Variants in CACNA1B observed in about 807,000 individuals in gnomAD.
The protein encoded by CACNA1B is calcium voltage-gated channel subunit alpha1 B, also known as voltage-dependent N-type calcium channel subunit alpha-1B.
Under a neutral mutation model 247.2 loss-of-function variants are expected in CACNA1B, and 70 were observed. The observed-to-expected ratio is 0.28, with a 90% CI of 0.23 to 0.35. The LOEUF (loss-of-function observed/expected upper bound fraction) is 0.35. Ranked by LOEUF, CACNA1B falls within the 10% of genes least tolerant of loss-of-function variation. The probability of loss-of-function intolerance (pLI) is 1.00; values close to 1 mark genes in which losing one functional copy is unlikely to be tolerated. For missense variants in CACNA1B, 2,367 were observed against 3,197.4 expected, an observed-to-expected ratio of 0.74 and a Z score of 6.26; for synonymous variants, 1,231 against 1,294.4, an observed-to-expected ratio of 0.95 and a Z score of 1.05.
chr9:138,038,528 G>T (rs919067188), intron 20 of CACNA1B, among the ~76,000 whole-genome samples: 3 of 152,244 alleles, frequency 2.0e-5, no homozygotes, highest in Non-Finnish European at 4.4e-5. Flanking sequence ...AAGTGCATGG[G>T]AGTTTGCATC....
At position 137,957,874 on chromosome 9, in the gene CACNA1B, T is replaced by C. The variant is rs1957968733; in HGVS notation, c.1333+187T>C. Among the ~76,000 whole-genome samples the C allele has an allele frequency of 6.6e-6, 1 of 152,206 alleles. No homozygotes were observed. The highest frequency in any genetic ancestry group is 1.5e-5 in the Non-Finnish European group (1 of 68,026). On this transcript the variant is annotated intron_variant, in intron 10 of 46. Transcript: ENST00000371372. The surrounding 1 kb of genome is among the most constrained non-coding windows in gnomAD (Gnocchi z 4.7). ...TGTGGACATAGGGCCCTTAGCCATA[T>C]CCCAAGGCTGGAGGACTCTATAGGG...
intron 3 of CACNA1B, among the ~76,000 whole-genome samples, chr9:137,903,776 G>C (rs143763558): frequency 7.6e-4 from 116 of 152,004 alleles, no homozygotes; most frequent in African/African-American, 2.4e-3. Flanking sequence ...AGATTTTGTA[G>C]TTTCTTTATA....
chr9:138,071,548 C>T (rs527884538), intron 32 of CACNA1B, among the ~76,000 whole-genome samples: 9 of 152,282 alleles, frequency 5.9e-5, no homozygotes, highest in South Asian at 4.2e-4. Flanking sequence ...CTCTCCAGGG[C>T]GCCCGTCTCC....
intron 6 of CACNA1B, among the ~76,000 whole-genome samples, chr9:137,933,570 T>A (rs1957631682): frequency 1.3e-5 from 2 of 152,218 alleles, no homozygotes. Flanking sequence ...TTTGAATTCA[T>A]GTATGTCATC....
intron 11 of CACNA1B, among the ~76,000 whole-genome samples, chr9:137,975,070 G>A (rs998519788): frequency 2.0e-5 from 3 of 152,262 alleles, no homozygotes; most frequent in Admixed American, 6.5e-5. Context: ...GAGCCACGGC[G>A]TTCTTCTGTG....
chr9:138,017,173 A>C (rs1958803346), intron 18 of CACNA1B: 2 of 518,904 alleles, frequency 3.9e-6, no homozygotes, highest in South Asian at 2.8e-5. Context: ...TGTATCTCGC[A>C]GCTCATCTGT....
At position 137,969,419 on chromosome 9, in the gene CACNA1B, T is replaced by G. The variant is rs78548164; in HGVS notation, c.1334-1964T>G. On this transcript the variant is annotated intron_variant, in intron 10 of 46. Coordinates refer to ENST00000371372, the MANE Select transcript of CACNA1B (RefSeq NM_000718.4). ...GTGTGCACAGGAAGATGTGTGTGTG[T>G]GGGGGGCTGTGGCCCATTGTGAAAG... Among the ~76,000 whole-genome samples the G allele has an allele frequency of 1.8e-3, 264 of 149,112 alleles. 1 individual carries two copies. Among genetic ancestry groups the G allele is most frequent in the East Asian group, 0.011 (56 of 5,138 alleles).
chr9:138,087,713 C>CAAAAAA lies in CACNA1B; in HGVS notation c.5095-8750_5095-8745dup, dbSNP rs57138546. ...CTGGTGACAGAGTGAGACTCCGTCT[C>CAAAAAA]AAAAAAAAAAAAAAAAAAAAAAAAA... On this transcript the variant is annotated intron_variant, in intron 36 of 46. Coordinates refer to ENST00000371372, the MANE Select transcript of CACNA1B (RefSeq NM_000718.4). Among the ~76,000 whole-genome samples the CAAAAAA allele has an allele frequency of 1.4e-4, 5 of 35,456 alleles. No homozygotes were observed. In the East Asian group the frequency reaches 3.7e-3, roughly 26 times the overall value. 23.3% of individuals were successfully genotyped at this position (35,456 alleles called of 152,430 possible).
chr9:138,121,301 G>T lies in CACNA1B; in HGVS notation c.6490-168G>T, dbSNP rs992895908. Among the ~76,000 whole-genome samples, 1 of 151,536 alleles carries T rather than the reference G, an allele frequency of 6.6e-6. No individual in the cohort carries two copies. Among genetic ancestry groups the T allele is most frequent in the Non-Finnish European group, 1.5e-5 (1 of 67,938 alleles). On this transcript the variant is annotated intron_variant, in intron 46 of 46. Coordinates refer to ENST00000371372, the MANE Select transcript of CACNA1B (RefSeq NM_000718.4). The surrounding 1 kb of genome is among the most constrained non-coding windows in gnomAD (Gnocchi z 6.8). ...CTGACCCTGACCATCGCCCTCCCCC[G>T]CACACAGGTGCCTGTTGCCTCCCTG...
chr9:138,112,871 G>A (rs181119242), intron 40 of CACNA1B, among the ~76,000 whole-genome samples: 71 of 144,814 alleles, frequency 4.9e-4, no homozygotes, highest in Admixed American at 8.3e-4. Flanking sequence ...TGTGAGAGAC[G>A]TGAGGGAGCG....
chr9:137,916,851 G>A (rs1211903942), intron 5 of CACNA1B, among the ~76,000 whole-genome samples: 3 of 141,278 alleles, frequency 2.1e-5, no homozygotes, highest in Non-Finnish European at 4.8e-5. Context: ...CAGTTTGGCT[G>A]TGAGGGAGAG....
intron 37 of CACNA1B, among the ~76,000 whole-genome samples, chr9:138,097,571 CG>C (rs1234001883): frequency 1.3e-5 from 2 of 152,196 alleles, no homozygotes; most frequent in African/African-American, 2.4e-5. Flanking sequence ...AGCGTGTGCC[CG>C]GGAAATGATC....
intron 16 of CACNA1B, among the ~76,000 whole-genome samples, chr9:138,009,298 A>G (rs1178077041): frequency 6.6e-6 from 1 of 152,242 alleles, no homozygotes; most frequent in Non-Finnish European, 1.5e-5. Context: ...GGCAAGGTGC[A>G]GTCCCAGGAA....
At position 137,956,842 on chromosome 9, in the gene CACNA1B, C is replaced by G; in HGVS notation, c.1243+15C>G. Reference sequence around the variant, plus strand: ...CCCTTTGGACGGTAGGTGGCACTTGCTGGTACTCCTGTGTGGTGGAGTGCT... The same window carrying G: ...CCCTTTGGACGGTAGGTGGCACTTGGTGGTACTCCTGTGTGGTGGAGTGCT... On this transcript the variant is annotated intron_variant, in intron 9 of 46. Coordinates refer to ENST00000371372, the MANE Select transcript of CACNA1B (RefSeq NM_000718.4). 1.2e-6 allele frequency: 2 copies of G among 1,609,068 alleles called. No individual in the cohort carries two copies.
At chr9:137,996,982 A>G (rs568295168) in intron 15 of CACNA1B, among the ~76,000 whole-genome samples, 8 of 152,372 alleles carry the variant, frequency 5.3e-5, no homozygotes, top group South Asian at 2.1e-4. Context: ...TATTTTTATA[A>G]TTGACTAGAA....
chr9:137,913,413 G>A lies in CACNA1B; in HGVS notation c.622+142G>A. 1 of 641,386 alleles carries A rather than the reference G, an allele frequency of 1.6e-6. No homozygotes were observed. The highest frequency in any genetic ancestry group is 3.6e-4 in the Middle Eastern group (1 of 2,744). The allele number at this position is 641,386 out of a possible 1,614,324, so 39.7% of individuals were successfully genotyped here. On this transcript the variant is annotated intron_variant, in intron 4 of 46. Transcript: ENST00000371372. The surrounding 1 kb of genome is among the most constrained non-coding windows in gnomAD (Gnocchi z 5.2). The stretch of plus-strand genomic sequence containing the variant: ...TTGACCCCAGGGAACCAGGCAGGAG[G>A]AAGGGAGGAGCAGGCCTTTTTTGGC...
At chr9:137,976,635 T>C (rs1958225804) in intron 12 of CACNA1B, among the ~76,000 whole-genome samples, 2 of 146,478 alleles carry the variant, frequency 1.4e-5, no homozygotes, top group Non-Finnish European at 3.0e-5. Flanking sequence ...AGGCAGTGTG[T>C]TTCCCAGCTT....
In CACNA1B at chr9:138,096,185, T is replaced by C. The variant is rs567772515; in HGVS notation, c.5095-299T>C. ...TGTTAACTGCACGTCACGGATTTCA[T>C]GGAAGGCCAGTCTGAGAGGGAAAGA... On this transcript the variant is annotated intron_variant, in intron 36 of 46. Coordinates refer to ENST00000371372, the MANE Select transcript of CACNA1B (RefSeq NM_000718.4). Among the ~76,000 whole-genome samples, 5 of 152,104 alleles carry C rather than the reference T, an allele frequency of 3.3e-5. No individual in the cohort carries two copies. In the East Asian group the frequency reaches 9.7e-4, roughly 29 times the overall value.
In CACNA1B at chr9:137,952,312, C is replaced by T. The variant is rs201350885; in HGVS notation, c.1005C>T (p.Tyr335=). 1.7e-5 allele frequency: 28 copies of T among 1,613,690 alleles called. No individual in the cohort carries two copies. The highest frequency in any genetic ancestry group is 2.2e-5 in the Non-Finnish European group (26 of 1,179,828). The change falls in exon 7 of 47, where the codon TAC becomes TAT. Residue 335 remains tyrosine (Y), a synonymous_variant. Transcript: ENST00000371372. The surrounding 1 kb of genome is among the most constrained non-coding windows in gnomAD (Gnocchi z 4.8). ...CCGGCAACACCTGGAACTGGCTCTA[C>T]TTCATCCCTCTCATCATCATCGGCT... is the stretch of plus-strand genomic sequence containing the variant. The part of the protein sequence containing the change: ...DAAGNTWNWL[Y]FIPLIIIGSF...
Sources: gnomAD v4.1 joint callset for allele counts (sites outside exome capture counted in the v4.1 genomes callset) on GRCh38, gnomAD v4.1.1 for gene constraint, Gnocchi (gnomAD v3.1) non-coding constraint, MANE v1.5 for transcripts, NCBI Gene and HGNC (gene_info 2026-07-23, HGNC 2026-07-21) for gene names.